The following HSD17B12 variants were observed in gnomAD, a reference collection of about 807,000 sequenced individuals.
The protein encoded by HSD17B12 is very-long-chain 3-oxoacyl-CoA reductase.
HSD17B12 carries 32 observed loss-of-function variants against 39.3 expected under a neutral mutation model. The ratio of observed to expected loss-of-function variants is 0.81; its 90% CI spans 0.61 to 1.09. The LOEUF (loss-of-function observed/expected upper bound fraction) is 1.09, where lower values mean the gene tolerates loss of function less well. Among genes scored for constraint, HSD17B12 ranks in the 50% least tolerant of loss-of-function variants. The pLI is 0.00. For synonymous variants in HSD17B12, 150 were observed against 146.7 expected (o/e 1.02, Z -0.16); for missense variants, 342 against 382.9 (o/e 0.89, Z 0.89).
intron 1 of HSD17B12, among the ~76,000 whole-genome samples, chr11:43,730,442 A>C (rs1052878641): frequency 6.6e-5 from 10 of 152,332 alleles, no homozygotes; most frequent in African/African-American, 2.4e-4. Context: ...AAAAGTAGAA[A>C]GAGGATCCAG....
chr11:43,573,705 T>G, the HSD17B12 span, among the ~76,000 whole-genome samples: 1 of 152,240 alleles, frequency 6.6e-6, no homozygotes, highest in Admixed American at 6.5e-5. Flanking sequence ...CATTCTAAAG[T>G]GCCCTGCTCT....
the HSD17B12 span, among the ~76,000 whole-genome samples, chr11:43,657,997 A>G: frequency 2.0e-5 from 3 of 152,236 alleles, no homozygotes; most frequent in Non-Finnish European, 2.9e-5. Context: ...GTGTTTTCCA[A>G]CTTGGCTCCA....
the HSD17B12 span, among the ~76,000 whole-genome samples, chr11:43,598,360 T>G: frequency 2.6e-4 from 39 of 152,272 alleles, no homozygotes; most frequent in Middle Eastern, 3.4e-3. Flanking sequence ...TTTAATCTTG[T>G]TCTTGACCCA....
At chr11:43,769,306 G>T (rs534036554) in intron 3 of HSD17B12, among the ~76,000 whole-genome samples, 28 of 152,304 alleles carry the variant, frequency 1.8e-4, no homozygotes, top group African/African-American at 6.7e-4. Flanking sequence ...AGTAACTAAA[G>T]AAAGCTAAAC....
chr11:43,577,187 G>A, the HSD17B12 span, among the ~76,000 whole-genome samples: 2 of 152,228 alleles, frequency 1.3e-5, no homozygotes, highest in African/African-American at 4.8e-5. Flanking sequence ...AAATGCCTTG[G>A]TCCTCAGTGA....
intron 3 of HSD17B12, among the ~76,000 whole-genome samples, chr11:43,786,571 CA>C (rs1295246601): frequency 2.0e-5 from 3 of 152,118 alleles, no homozygotes; most frequent in Admixed American, 6.5e-5. Flanking sequence ...ACTACTACAT[CA>C]AAGTATTTTT....
chr11:43,808,397 A>C (rs973567726), intron 4 of HSD17B12, among the ~76,000 whole-genome samples: 1 of 152,090 alleles, frequency 6.6e-6, no homozygotes, highest in Non-Finnish European at 1.5e-5. Flanking sequence ...TGGATTTGTA[A>C]AGTGAGCATA....
chr11:43,785,223 C>T (rs1950804818), intron 3 of HSD17B12, among the ~76,000 whole-genome samples: 1 of 151,962 alleles, frequency 6.6e-6, no homozygotes, highest in African/African-American at 2.4e-5. Flanking sequence ...AGTGTGTGTA[C>T]AGTGGGGACA....
At chr11:43,746,224 T>C (rs1379709320) in intron 1 of HSD17B12, among the ~76,000 whole-genome samples, 1 of 152,208 alleles carries the variant, frequency 6.6e-6, no homozygotes, top group Non-Finnish European at 1.5e-5. Context: ...ACTAGCTTAC[T>C]GTAACCCTTT....
chr11:43,690,402 A>ATTTT (rs1454701982), intron 1 of HSD17B12, among the ~76,000 whole-genome samples: 8 of 26,216 alleles, frequency 3.1e-4, no homozygotes, highest in Non-Finnish European at 4.3e-4. Context: ...ATATATATAT[A>ATTTT]TATTTTTTTT....
chr11:43,753,766 G>C (rs1277071298), intron 2 of HSD17B12, among the ~76,000 whole-genome samples: 12 of 151,784 alleles, frequency 7.9e-5, no homozygotes, highest in Non-Finnish European at 1.5e-5. Context: ...GACACTTAAA[G>C]GTTTAAAAAA....
intron 1 of HSD17B12, among the ~76,000 whole-genome samples, chr11:43,715,197 T>C (rs934857643): frequency 5.3e-5 from 8 of 152,230 alleles, no homozygotes; most frequent in African/African-American, 1.9e-4. Flanking sequence ...ATCCCTGTCT[T>C]GTGCCAGTTT....
chr11:43,685,500 A>T (rs1196405070), intron 1 of HSD17B12, among the ~76,000 whole-genome samples: 1 of 152,248 alleles, frequency 6.6e-6, no homozygotes. Flanking sequence ...CAGAAGAAAT[A>T]TTAATAACTA....
intron 3 of HSD17B12, among the ~76,000 whole-genome samples, chr11:43,782,674 CAA>C (rs35805476): frequency 6.7e-5 from 7 of 104,284 alleles, no homozygotes; most frequent in Admixed American, 9.9e-5. Flanking sequence ...GACTCTGTCT[CAA>C]AAAAAAAAAA....
chr11:43,725,141 C>A (rs1040940531), intron 1 of HSD17B12, among the ~76,000 whole-genome samples: 1 of 152,142 alleles, frequency 6.6e-6, no homozygotes, highest in Non-Finnish European at 1.5e-5. Flanking sequence ...GGCAGTACAG[C>A]ATACTAGGTA....
chr11:43,854,741 A>G lies in HSD17B12; in HGVS notation c.711A>G (p.Thr237=). 6.2e-7 allele frequency: 1 copy of G among 1,614,104 alleles called. No homozygotes were observed. The highest frequency in any genetic ancestry group is 1.3e-5 in the African/African-American group (1 of 75,052). The change falls in exon 10 of 11, where the codon ACA becomes ACG. Residue 237 remains threonine, a synonymous_variant. Transcript: ENST00000278353. The part of the protein sequence containing the change: ...VQSVLPYFVA[T]KLAKIRKPTL... ...GTGTCCTGCCATACTTCGTAGCTAC[A>G]AAACTGGCTAAAATCCGGAAGCCAA...
chr11:43,846,390 A>T (rs1951475168), intron 9 of HSD17B12, among the ~76,000 whole-genome samples: 1 of 152,332 alleles, frequency 6.6e-6, no homozygotes, highest in South Asian at 2.1e-4. Context: ...TGTGCTGGGC[A>T]CGGTGGCTCA....
the HSD17B12 span, among the ~76,000 whole-genome samples, chr11:43,562,350 G>A: frequency 3.3e-5 from 5 of 152,240 alleles, no homozygotes; most frequent in African/African-American, 7.2e-5. Flanking sequence ...CAGCCAAGAA[G>A]GCGTGCATTC....
Position 43,719,615 on chromosome 11 carries a change from C to CA in HSD17B12, c.161-31283dup, listed in dbSNP as rs756654421. Among the ~76,000 whole-genome samples the CA allele has an allele frequency of 5.1e-3, 699 of 137,708 alleles. 3 individuals are homozygous for CA. Among genetic ancestry groups the CA allele is most frequent in the East Asian group, 0.016 (76 of 4,834 alleles). 90.3% of individuals were successfully genotyped at this position (137,708 alleles called of 152,430 possible). A position where few individuals can be genotyped will look rare whatever the true frequency, so the allele number is the denominator to read the frequency against. On this transcript the variant is annotated intron_variant, in intron 1 of 10. Coordinates refer to ENST00000278353, the MANE Select transcript of HSD17B12 (RefSeq NM_016142.3). ...CTTGTGCAATAAAGGACAAGGACTT[C>CA]AAAAAAAAAAAAATATATATATATA...
Sources: allele counts gnomAD v4.1 joint callset (sites outside exome capture counted in the v4.1 genomes callset), GRCh38; gene constraint gnomAD v4.1.1; transcripts MANE v1.5; gene names NCBI Gene and HGNC (gene_info 2026-07-23, HGNC 2026-07-21).